NDRG1: variants seen among roughly 807,000 people sequenced by gnomAD.
NDRG1 encodes N-myc downstream regulated 1.
In NDRG1, 32 loss-of-function variants were observed where a neutral mutation model predicts 56.9. The observed-to-expected ratio is 0.56, with a 90% CI of 0.42 to 0.76. The LOEUF is 0.76. Ranked by LOEUF, NDRG1 falls within the 30% of genes least tolerant of loss-of-function variation. The pLI, the probability that NDRG1 is intolerant of heterozygous loss-of-function variation, is 0.00. For synonymous variants in NDRG1, 211 were observed against 204.1 expected (o/e 1.03, Z -0.29); for missense variants, 507 against 545.7 (o/e 0.93, Z 0.71).
Position 133,256,872 on chromosome 8 carries a change from C to G in NDRG1, c.451-9G>C, listed in dbSNP as rs1856405051. 6.2e-7 allele frequency: 1 copy of G among 1,613,216 alleles called. No homozygotes were observed. The highest frequency in any genetic ancestry group is 8.5e-7 in the Non-Finnish European group (1 of 1,179,374). On this transcript the variant is annotated splice_polypyrimidine_tract_variant and intron_variant, in intron 7 of 15. Coordinates refer to ENST00000323851, the MANE Select transcript of NDRG1 (RefSeq NM_006096.4). ...ATCTCAGGGTTGTTTAGCTGCAATT[C>G]AAGACACAAAGTGAGACAGACATCC... is the stretch of plus-strand genomic sequence containing the variant.
Position 133,238,929 on chromosome 8 carries a change from C to A in NDRG1, c.1134G>T (p.Ser378=). The A allele has an allele frequency of 6.4e-7, 1 of 1,565,908 alleles. No homozygotes were observed. The change falls in exon 16 of 16, where the codon TCG becomes TCT. Residue 378 remains serine (S), a synonymous_variant. Transcript: ENST00000323851. The stretch of plus-strand genomic sequence containing the variant: ...GCCCGGCGCTGTTCCCAGCAGCACC[C>A]GAGTTGGGGGTGATGTCCAGGTGGG... ...EGAHLDITPN[S]GAAGNSAGPK...
Position 133,242,083 on chromosome 8 carries a change from G to A in NDRG1, c.892-9C>T, listed in dbSNP as rs987790520. 6.2e-7 allele frequency: 1 copy of A among 1,614,236 alleles called. No individual in the cohort carries two copies. The highest frequency in any genetic ancestry group is 2.2e-5 in the East Asian group (1 of 44,886). The stretch of plus-strand genomic sequence containing the variant: ...TCAGCGAGCTTGGCCGGCTGCGAGA[G>A]ACAAGGAGAGAAAATGCAGTCAGTT... On this transcript the variant is annotated splice_polypyrimidine_tract_variant and intron_variant, in intron 14 of 15. Coordinates refer to ENST00000323851, the MANE Select transcript of NDRG1 (RefSeq NM_006096.4).
At chr8:133,294,689 A>T (rs1262922134) in intron 1 of NDRG1, among the ~76,000 whole-genome samples, 2 of 150,820 alleles carry the variant, frequency 1.3e-5, no homozygotes, top group Admixed American at 1.3e-4. Flanking sequence ...GGGCAGCCCC[A>T]TTCAGTCAAA....
At chr8:133,264,865 C>A (rs1044106053) in intron 3 of NDRG1, 1 of 612,982 alleles carries the variant, frequency 1.6e-6, no homozygotes, top group Admixed American at 2.5e-5. Context: ...GGGACAGAGG[C>A]CTGGCTCAGA....
At chr8:133,244,087 C>A (rs1855531946) in intron 14 of NDRG1, among the ~76,000 whole-genome samples, 1 of 152,188 alleles carries the variant, frequency 6.6e-6, no homozygotes. Flanking sequence ...GTCTTTGGGG[C>A]AGACATACCC....
At chr8:133,265,699 CAA>C (rs575882294) in intron 3 of NDRG1, among the ~76,000 whole-genome samples, 1 of 146,842 alleles carries the variant, frequency 6.8e-6, no homozygotes, top group Non-Finnish European at 1.5e-5. Context: ...CTCTGGAAAA[CAA>C]AAAAAAAAGG....
chr8:133,249,256 C>T (rs1448093746), intron 10 of NDRG1: 10 of 230,736 alleles, frequency 4.3e-5, no homozygotes, highest in Non-Finnish European at 7.9e-5. Context: ...TGGTGGTTTC[C>T]CACTGCACTC....
Position 133,238,324 on chromosome 8 carries a change from C to T in NDRG1, c.*554G>A, listed in dbSNP as rs771596163. On this transcript the variant is annotated 3_prime_UTR_variant, in exon 16 of 16. Transcript: ENST00000323851. ...TACGTAGATTTGTTGTTCCAAATGC[C>T]TCTAGCCTCGACATGAATCCCACCT... 1.3e-5 allele frequency: 3 copies of T among 234,124 alleles called. No homozygotes were observed. Among genetic ancestry groups the T allele is most frequent in the Non-Finnish European group, 2.5e-5 (3 of 118,898 alleles). The allele number at this position is 234,124 out of a possible 1,614,324, so 14.5% of individuals were successfully genotyped here. A position where few individuals can be genotyped will look rare whatever the true frequency, so the allele number is the denominator to read the frequency against.
At chr8:133,255,538 G>A (rs760025666) in intron 8 of NDRG1, 15 of 347,500 alleles carry the variant, frequency 4.3e-5, no homozygotes, top group Non-Finnish European at 8.6e-5. Flanking sequence ...ACTCAGGACA[G>A]CTATCATGAA....
chr8:133,268,796 C>T (rs1240998374), intron 3 of NDRG1, among the ~76,000 whole-genome samples: 1 of 152,094 alleles, frequency 6.6e-6, no homozygotes, highest in Non-Finnish European at 1.5e-5. Flanking sequence ...CCCCCCAGCA[C>T]ACACAGGAGG....
intron 3 of NDRG1, among the ~76,000 whole-genome samples, chr8:133,277,884 G>C (rs1857546785): frequency 6.6e-6 from 1 of 152,184 alleles, no homozygotes; most frequent in Admixed American, 6.5e-5. Context: ...TGGGGAAACA[G>C]AGGTGAAGCA....
At chr8:133,282,483 G>T (rs914006224) in intron 2 of NDRG1, among the ~76,000 whole-genome samples, 1 of 152,242 alleles carries the variant, frequency 6.6e-6, no homozygotes, top group Non-Finnish European at 1.5e-5. Context: ...AAAGCAAAGT[G>T]TGGGATACTA....
intron 3 of NDRG1, among the ~76,000 whole-genome samples, chr8:133,278,887 CTTT>C (rs34187643): frequency 0.036 from 4,555 of 125,522 alleles, 267 homozygotes; most frequent in African/African-American, 0.13. Flanking sequence ...CTCTCTTCTT[CTTT>C]TTTTTTTTTT....
At chr8:133,277,755 A>G (rs1857536279) in intron 3 of NDRG1, among the ~76,000 whole-genome samples, 1 of 152,198 alleles carries the variant, frequency 6.6e-6, no homozygotes, top group Non-Finnish European at 1.5e-5. Flanking sequence ...TAGTTAGTGG[A>G]TAGGGTGTGT....
chr8:133,294,350 A>G (rs1858610924), intron 1 of NDRG1, among the ~76,000 whole-genome samples: 1 of 152,218 alleles, frequency 6.6e-6, no homozygotes, highest in African/African-American at 2.4e-5. Flanking sequence ...ATGAAGGCAG[A>G]TGGAGGGAGA....
chr8:133,255,870 C>T (rs1457800286), intron 8 of NDRG1: 1 of 154,800 alleles, frequency 6.5e-6, no homozygotes, highest in African/African-American at 2.4e-5. Flanking sequence ...CTCTCCTTGG[C>T]CAACACTGAG....
intron 15 of NDRG1, 108 bp downstream of exon 15, chr8:133,241,915 G>A: frequency 7.6e-7 from 1 of 1,317,938 alleles, no homozygotes; most frequent in Non-Finnish European, 1.1e-6. Context: ...GAAAGCTGAA[G>A]CTGGCCAGGG....
intron 8 of NDRG1, chr8:133,255,757 T>G (rs1378137848): frequency 5.9e-6 from 1 of 169,846 alleles, no homozygotes; most frequent in Non-Finnish European, 1.3e-5. Context: ...CATCGGTCCC[T>G]GGCAGCCACC....
intron 2 of NDRG1, among the ~76,000 whole-genome samples, chr8:133,280,722 A>T (rs1857748881): frequency 6.6e-6 from 1 of 152,180 alleles, no homozygotes; most frequent in Non-Finnish European, 1.5e-5. Context: ...GGTGTGAGCC[A>T]CTGTGCCCAG....
Sources: gnomAD v4.1 joint callset for allele counts (sites outside exome capture counted in the v4.1 genomes callset) on GRCh38, gnomAD v4.1.1 for gene constraint, MANE v1.5 for transcripts, NCBI Gene and HGNC (gene_info 2026-07-23, HGNC 2026-07-21) for gene names.